The following PPP1R17 variants were observed in gnomAD, a reference collection of about 807,000 sequenced individuals.
The protein encoded by PPP1R17 is protein phosphatase 1 regulatory subunit 17.
Under a neutral mutation model 15.9 loss-of-function variants are expected in PPP1R17, and 12 were observed. The observed-to-expected ratio is 0.75, with a 90% CI of 0.48 to 1.22. The LOEUF (loss-of-function observed/expected upper bound fraction) is 1.22. PPP1R17 is among the 50% of genes most tolerant of loss of function. The pLI, the probability that PPP1R17 is intolerant of heterozygous loss-of-function variation, is 0.00. For missense variants in PPP1R17, 211 were observed against 187.3 expected (o/e 1.13, Z -0.74); for synonymous variants, 63 against 64.5 (o/e 0.98, Z 0.11).
At chr7:31,687,817 T>C (rs1200801646) in intron 1 of PPP1R17, among the ~76,000 whole-genome samples, 1 of 152,216 alleles carries the variant, frequency 6.6e-6, no homozygotes, top group Non-Finnish European at 1.5e-5. Context: ...ATTAACGAGA[T>C]ACCACATAGG....
intron 3 of PPP1R17, among the ~76,000 whole-genome samples, chr7:31,696,294 T>C (rs1474335415): frequency 6.6e-6 from 1 of 152,192 alleles, no homozygotes; most frequent in Non-Finnish European, 1.5e-5. Context: ...GCAAAACAAA[T>C]GAAACATAGA....
At chr7:31,698,975 T>C (rs1004224016) in intron 4 of PPP1R17, among the ~76,000 whole-genome samples, 1 of 152,178 alleles carries the variant, frequency 6.6e-6, no homozygotes, top group Non-Finnish European at 1.5e-5. Flanking sequence ...GAGTGCCTAC[T>C]ATGTGCCAGG....
At chr7:31,698,345 C>G (rs1268385239) in intron 4 of PPP1R17, among the ~76,000 whole-genome samples, 1 of 152,150 alleles carries the variant, frequency 6.6e-6, no homozygotes, top group Non-Finnish European at 1.5e-5. Flanking sequence ...CTTGTTCCTC[C>G]ACCTCTTCTT....
chr7:31,703,910 GGCTTGCTCCCA>G (rs1401340505), intron 4 of PPP1R17, among the ~76,000 whole-genome samples: 1 of 152,190 alleles, frequency 6.6e-6, no homozygotes, highest in Admixed American at 6.5e-5. Context: ...GACAGACCCA[GGCTTGCTCCCA>G]GCTTAGCCTA....
intron 3 of PPP1R17, among the ~76,000 whole-genome samples, chr7:31,696,515 A>T (rs566219925): frequency 6.6e-6 from 1 of 152,306 alleles, no homozygotes; most frequent in South Asian, 2.1e-4. Flanking sequence ...CATAGAGGTG[A>T]GAAAGCAGGA....
At chr7:31,696,694 A>G (rs192612424) in intron 3 of PPP1R17, among the ~76,000 whole-genome samples, 11 of 152,312 alleles carry the variant, frequency 7.2e-5, no homozygotes, top group Admixed American at 5.9e-4. Flanking sequence ...GACTTCCCTC[A>G]GCTTTGTGAT....
At chr7:31,692,751 G>GAGAA (rs1240279013) in intron 2 of PPP1R17, among the ~76,000 whole-genome samples, 2 of 152,204 alleles carry the variant, frequency 1.3e-5, no homozygotes, top group East Asian at 3.9e-4. Flanking sequence ...GACAGAGAGA[G>GAGAA]AGAAAGAGAG....
In PPP1R17 at chr7:31,688,247, AT is replaced by A. The variant is rs375298155; in HGVS notation, c.-37+946del. On this transcript the variant is annotated intron_variant, in intron 1 of 4. Coordinates refer to ENST00000342032, the MANE Select transcript of PPP1R17 (RefSeq NM_006658.5). ...CCCATTTAACAGATTTGAAAACTAA[AT>A]TTTTGAGAGAACAGATAACTGTCCC... Among the ~76,000 whole-genome samples, 306 of 152,290 alleles carry A rather than the reference AT, an allele frequency of 2.0e-3. 3 individuals carry two copies. Among genetic ancestry groups the A allele is most frequent in the African/African-American group, 6.9e-3 (286 of 41,568 alleles).
At chr7:31,698,307 T>C (rs1792696667) in intron 4 of PPP1R17, among the ~76,000 whole-genome samples, 1 of 152,206 alleles carries the variant, frequency 6.6e-6, no homozygotes, top group South Asian at 2.1e-4. Context: ...CTATGCTCCA[T>C]GGGATTTGTG....
chr7:31,698,188 C>G (rs1792690372), intron 4 of PPP1R17, among the ~76,000 whole-genome samples: 1 of 152,162 alleles, frequency 6.6e-6, no homozygotes, highest in Non-Finnish European at 1.5e-5. Flanking sequence ...TATATTTCCC[C>G]ACTGTTTCAT....
intron 3 of PPP1R17, among the ~76,000 whole-genome samples, chr7:31,696,438 T>C (rs1274610007): frequency 6.6e-6 from 1 of 152,194 alleles, no homozygotes; most frequent in Non-Finnish European, 1.5e-5. Context: ...TAGTGAATTG[T>C]GGAAAATTTT....
At chr7:31,702,061 C>T (rs1289755002) in intron 4 of PPP1R17, among the ~76,000 whole-genome samples, 1 of 152,142 alleles carries the variant, frequency 6.6e-6, no homozygotes, top group African/African-American at 2.4e-5. Flanking sequence ...CTTTGTATAA[C>T]CCAGATCTGA....
rs144828130 is a variant in PPP1R17, at chr7:31,699,348, G to A, written c.388+2231G>A. Among the ~76,000 whole-genome samples the A allele has an allele frequency of 6.6e-5, 10 of 152,264 alleles. No individual in the cohort carries two copies. The East Asian group carries it at 1.9e-3, about 29-fold the overall frequency. ...GCTGTTCCTGTTTTCTAACAGAGAG[G>A]GGAGCAAGCTAGCACGGTCTCCCGT... On this transcript the variant is annotated intron_variant, in intron 4 of 4. Coordinates refer to ENST00000342032, the MANE Select transcript of PPP1R17 (RefSeq NM_006658.5).
Position 31,696,964 on chromosome 7 carries a change from G to C in PPP1R17, c.236-1G>C. ...CTCTCTGTGTTCCCCTAACCATGCA[G>C]GTGTGTTTTCAGAACATTTAATTAA... is the stretch of plus-strand genomic sequence containing the variant. On this transcript the variant is annotated splice_acceptor_variant, in intron 3 of 4. Coordinates refer to ENST00000342032, the MANE Select transcript of PPP1R17 (RefSeq NM_006658.5). LOFTEE classifies it high-confidence loss of function. 1 of 1,613,888 alleles carries C rather than the reference G, an allele frequency of 6.2e-7. No individual in the cohort carries two copies. The highest frequency in any genetic ancestry group is 8.5e-7 in the Non-Finnish European group (1 of 1,179,892).
intron 1 of PPP1R17, among the ~76,000 whole-genome samples, chr7:31,687,580 A>G (rs1792157164): frequency 6.6e-6 from 1 of 152,242 alleles, no homozygotes; most frequent in Non-Finnish European, 1.5e-5. Flanking sequence ...CACACAGGAT[A>G]GAGAGGTTTA....
intron 1 of PPP1R17, among the ~76,000 whole-genome samples, chr7:31,692,051 G>A (rs946234343): frequency 1.3e-5 from 2 of 152,102 alleles, no homozygotes; most frequent in Non-Finnish European, 2.9e-5. Context: ...AAAAACATAG[G>A]CAAGGTTTAA....
intron 3 of PPP1R17, chr7:31,696,149 T>C (rs543975801): frequency 6.6e-6 from 1 of 152,488 alleles, no homozygotes; most frequent in African/African-American, 2.4e-5. Flanking sequence ...AGCTAACATG[T>C]CTCTGTAACA....
At position 31,695,460 on chromosome 7, in the gene PPP1R17, C is replaced by T; in HGVS notation, c.83-9C>T. 1.3e-6 allele frequency: 2 copies of T among 1,590,500 alleles called. No individual in the cohort carries two copies. Among genetic ancestry groups the T allele is most frequent in the Non-Finnish European group, 1.7e-6 (2 of 1,172,432 alleles). On this transcript the variant is annotated splice_polypyrimidine_tract_variant and intron_variant, in intron 2 of 4. Transcript: ENST00000342032. ...TATTCTTTATTTCTTTGTATCCTGT[C>T]AAAATTAGATGATCTTTCAGACCAG...
At chr7:31,692,589 G>C in intron 2 of PPP1R17, 66 bp downstream of exon 2, 1 of 1,477,104 alleles carries the variant, frequency 6.8e-7, no homozygotes, top group Non-Finnish European at 9.4e-7. Flanking sequence ...CAGCCATTTG[G>C]TTTGCAGGCA....
Sources: gnomAD v4.1 joint callset for allele counts (sites outside exome capture counted in the v4.1 genomes callset) on GRCh38, gnomAD v4.1.1 for gene constraint, MANE v1.5 for transcripts, NCBI Gene and HGNC (gene_info 2026-07-23, HGNC 2026-07-21) for gene names.